The following MARCHF8 variants were observed in gnomAD, a reference collection of about 807,000 sequenced individuals.
MARCHF8 encodes the protein membrane associated ring-CH-type finger 8, also known as E3 ubiquitin-protein ligase MARCHF8.
MARCHF8 carries 40 observed loss-of-function variants against 51.6 expected under a neutral mutation model. The ratio of observed to expected loss-of-function variants is 0.77; its 90% CI spans 0.60 to 1.01. The LOEUF (loss-of-function observed/expected upper bound fraction) is 1.01. MARCHF8 is among the 50% of genes least tolerant of loss of function. MARCHF8 has a pLI of 0.00. For synonymous variants in MARCHF8, 263 were observed against 280.3 expected, an observed-to-expected ratio of 0.94 and a Z score of 0.62; for missense variants, 685 against 708.6, an observed-to-expected ratio of 0.97 and a Z score of 0.38.
At chr10:45,564,773 T>C (rs2044346467) in intron 1 of MARCHF8, among the ~76,000 whole-genome samples, 2 of 151,216 alleles carry the variant, frequency 1.3e-5, no homozygotes, top group Non-Finnish European at 2.9e-5. Flanking sequence ...ATAACAGTAA[T>C]ATGACGGCCA....
intron 1 of MARCHF8, among the ~76,000 whole-genome samples, chr10:45,548,166 T>A (rs1362110001): frequency 1.3e-5 from 2 of 151,964 alleles, no homozygotes; most frequent in Admixed American, 6.6e-5. Flanking sequence ...TAGGAAAAAA[T>A]TCCATAAAAA....
intron 1 of MARCHF8, among the ~76,000 whole-genome samples, chr10:45,556,331 G>T (rs2044251154): frequency 6.6e-6 from 1 of 152,104 alleles, no homozygotes; most frequent in Non-Finnish European, 1.5e-5. Context: ...GGTATTGTGT[G>T]ATTCATTCTA....
intron 1 of MARCHF8, among the ~76,000 whole-genome samples, chr10:45,560,625 C>T (rs374065408): frequency 6.6e-5 from 10 of 152,298 alleles, no homozygotes; most frequent in African/African-American, 1.9e-4. Flanking sequence ...TCCCCTAGCC[C>T]GCTCCCCTAG....
chr10:45,476,031 C>T (rs1336769223), intron 3 of MARCHF8, among the ~76,000 whole-genome samples: 5 of 152,116 alleles, frequency 3.3e-5, no homozygotes, highest in Admixed American at 3.3e-4. Context: ...GCTAAAGTGC[C>T]CTGCACAACC....
Position 45,525,180 on chromosome 10 carries a change from T to C in MARCHF8, c.102+7930A>G, listed in dbSNP as rs528739291. Reference sequence around the variant, plus strand: ...ATACAGTATGATCTATCAATACTCATGTGTTTTTAGAGCAAATACGAAATT... The same window carrying C: ...ATACAGTATGATCTATCAATACTCACGTGTTTTTAGAGCAAATACGAAATT... On this transcript the variant is annotated intron_variant, in intron 2 of 7. Coordinates refer to ENST00000453424, the MANE Select transcript of MARCHF8 (RefSeq NM_001282866.2). 2.8e-3 allele frequency among the ~76,000 whole-genome samples: 428 copies of C among 152,346 alleles called. 3 individuals are homozygous for C. Among genetic ancestry groups the C allele is most frequent in the African/African-American group, 9.6e-3 (399 of 41,582 alleles).
chr10:45,519,255 T>C (rs1322719335), intron 2 of MARCHF8, among the ~76,000 whole-genome samples: 1 of 152,182 alleles, frequency 6.6e-6, no homozygotes, highest in Non-Finnish European at 1.5e-5. Context: ...CTCTATTACA[T>C]GAGATAAACA....
chr10:45,561,634 C>G (rs983520718), intron 1 of MARCHF8, among the ~76,000 whole-genome samples: 10 of 150,462 alleles, frequency 6.6e-5, no homozygotes, highest in African/African-American at 2.4e-4. Flanking sequence ...GGCGTGGTGG[C>G]TCAAGTCTGT....
chr10:45,568,401 G>A (rs927152682), intron 1 of MARCHF8, among the ~76,000 whole-genome samples: 1 of 152,140 alleles, frequency 6.6e-6, no homozygotes. Context: ...CACACTGGAA[G>A]AACTGTCTTG....
intron 3 of MARCHF8, among the ~76,000 whole-genome samples, chr10:45,480,285 A>T (rs1234364488): frequency 2.6e-5 from 4 of 152,158 alleles, no homozygotes; most frequent in Non-Finnish European, 5.9e-5. Context: ...AAAAGCAGAA[A>T]ATTTGTGGCC....
At chr10:45,556,033 T>C (rs1001654384) in intron 1 of MARCHF8, among the ~76,000 whole-genome samples, 2 of 152,164 alleles carry the variant, frequency 1.3e-5, no homozygotes, top group Non-Finnish European at 2.9e-5. Context: ...GATTAAGTAA[T>C]GGATCTATGT....
chr10:45,564,440 C>T (rs1244982973), intron 1 of MARCHF8, among the ~76,000 whole-genome samples: 1 of 151,864 alleles, frequency 6.6e-6, no homozygotes, highest in Admixed American at 6.6e-5. Context: ...CACTGAAAAA[C>T]AGAAAAAAAG....
chr10:45,558,079 G>A (rs1356931713), intron 1 of MARCHF8, among the ~76,000 whole-genome samples: 1 of 152,116 alleles, frequency 6.6e-6, no homozygotes, highest in Non-Finnish European at 1.5e-5. Context: ...GGTAATAGAT[G>A]AACGCTTAGT....
chr10:45,575,362 T>C (rs1564521501), intron 1 of MARCHF8, among the ~76,000 whole-genome samples: 1 of 152,138 alleles, frequency 6.6e-6, no homozygotes, highest in Non-Finnish European at 1.5e-5. Context: ...GGAAAATATA[T>C]CCTTCCAGCC....
intron 1 of MARCHF8, among the ~76,000 whole-genome samples, chr10:45,541,134 G>T (rs564316303): frequency 6.6e-6 from 1 of 152,050 alleles, no homozygotes; most frequent in Non-Finnish European, 1.5e-5. Context: ...TGTTTATTGC[G>T]GCACTATTCA....
intron 1 of MARCHF8, among the ~76,000 whole-genome samples, chr10:45,551,763 T>C (rs1408649128): frequency 1.3e-5 from 2 of 152,202 alleles, no homozygotes; most frequent in East Asian, 1.9e-4. Context: ...TCCACAATCA[T>C]ATGAACCAAT....
chr10:45,592,613 T>C (rs11239572), intron 1 of MARCHF8, among the ~76,000 whole-genome samples: 16,607 of 152,184 alleles, frequency 0.11, 1,231 homozygotes, highest in Non-Finnish European at 0.16. Flanking sequence ...ATAGCAGAAA[T>C]GGAACTACTA....
At chr10:45,493,513 G>C (rs956578219) in intron 2 of MARCHF8, among the ~76,000 whole-genome samples, 1 of 152,114 alleles carries the variant, frequency 6.6e-6, no homozygotes, top group Non-Finnish European at 1.5e-5. Flanking sequence ...TTCAACATGA[G>C]AGCTCCTCAG....
intron 1 of MARCHF8, among the ~76,000 whole-genome samples, chr10:45,550,100 T>G (rs781600319): frequency 8.5e-5 from 13 of 152,216 alleles, no homozygotes; most frequent in Non-Finnish European, 1.5e-4. Flanking sequence ...ACATGTTGTT[T>G]TCGCTGCTTT....
chr10:45,503,783 T>C (rs1443314384), intron 2 of MARCHF8, among the ~76,000 whole-genome samples: 1 of 149,498 alleles, frequency 6.7e-6, no homozygotes, highest in African/African-American at 2.5e-5. Flanking sequence ...TGGAATATTA[T>C]TCAGTCATTA....
Sources: allele counts gnomAD v4.1 joint callset (sites outside exome capture counted in the v4.1 genomes callset), GRCh38; gene constraint gnomAD v4.1.1; transcripts MANE v1.5; gene names NCBI Gene and HGNC (gene_info 2026-07-23, HGNC 2026-07-21).